TMPRSS11D: variants seen among roughly 807,000 people sequenced by gnomAD.
TMPRSS11D encodes the protein transmembrane protease serine 11D.
TMPRSS11D carries 32 observed loss-of-function variants against 44.4 expected under a neutral mutation model. That is an observed-to-expected ratio of 0.72 (90% CI 0.54 to 0.97). TMPRSS11D has a LOEUF of 0.97. TMPRSS11D is among the 50% of genes least tolerant of loss of function. The pLI is 0.00. For synonymous variants in TMPRSS11D, 179 were observed against 177.9 expected (o/e 1.01, Z -0.05); for missense variants, 446 against 502.6 (o/e 0.89, Z 1.08).
chr4:67,829,475 T>C (rs1717892004), intron 7 of TMPRSS11D, among the ~76,000 whole-genome samples: 1 of 149,880 alleles, frequency 6.7e-6, no homozygotes, highest in Admixed American at 6.7e-5. Context: ...ATTACCTTTA[T>C]GACCTAGGAA....
intron 4 of TMPRSS11D, among the ~76,000 whole-genome samples, chr4:67,841,067 G>C (rs1172052269): frequency 1.3e-5 from 2 of 152,066 alleles, no homozygotes; most frequent in African/African-American, 4.8e-5. Flanking sequence ...TGCTAAAAAA[G>C]AGCCCAGAAA....
chr4:67,851,152 A>G (rs1024413305), intron 3 of TMPRSS11D, among the ~76,000 whole-genome samples: 1 of 152,188 alleles, frequency 6.6e-6, no homozygotes, highest in African/African-American at 2.4e-5. Flanking sequence ...CTACTACTGT[A>G]TGTGTCTGGG....
chr4:67,860,502 C>T (rs1017555625), intron 1 of TMPRSS11D: 4 of 152,006 alleles, frequency 2.6e-5, no homozygotes, highest in Non-Finnish European at 2.9e-5. Flanking sequence ...GGTCATGTTA[C>T]GTGTTATAAA....
chr4:67,822,387 T>TATAC lies in TMPRSS11D; in HGVS notation c.1203_1206dup (p.Thr403ValfsTer9). 1 of 1,613,732 alleles carries TATAC rather than the reference T, an allele frequency of 6.2e-7. No individual in the cohort carries two copies. Among genetic ancestry groups the TATAC allele is most frequent in the East Asian group, 2.2e-5 (1 of 44,854 alleles). On this transcript the variant is annotated frameshift_variant, in exon 10 of 10. Transcript: ENST00000283916. LOFTEE classifies it high-confidence loss of function. ...CAGTCAAGGTAGGCTGTCACTCGAG[T>TATAC]ATACACTCCTGGCTTATCCGGCAGG...
chr4:67,836,496 C>T lies in TMPRSS11D; in HGVS notation c.476-1375G>A, dbSNP rs1038017155. 3.3e-5 allele frequency among the ~76,000 whole-genome samples: 5 copies of T among 152,154 alleles called. 1 individual carries two copies. The highest frequency in any genetic ancestry group is 1.3e-4 in the Admixed American group (2 of 15,258). ...GGTATCACATTTGTTTTGCAAACTT[C>T]AGTGGAGCCAAATCATACTTCTGGA... On this transcript the variant is annotated intron_variant, in intron 5 of 9. Coordinates refer to ENST00000283916, the MANE Select transcript of TMPRSS11D (RefSeq NM_004262.3).
chr4:67,838,635 C>G (rs1473978886), intron 4 of TMPRSS11D, among the ~76,000 whole-genome samples: 1 of 151,970 alleles, frequency 6.6e-6, no homozygotes, highest in East Asian at 1.9e-4. Flanking sequence ...ATCTAAGTTT[C>G]TTCACATGTA....
intron 8 of TMPRSS11D, 146 bp downstream of exon 8, chr4:67,827,115 C>T (rs1717812334): frequency 2.0e-6 from 2 of 1,010,142 alleles, no homozygotes; most frequent in Admixed American, 3.3e-5. Flanking sequence ...TCAGGGGTAG[C>T]CAGAGCTTGG....
At chr4:67,877,158 AT>A (rs1028134834) in intron 1 of TMPRSS11D, among the ~76,000 whole-genome samples, 136 of 151,936 alleles carry the variant, frequency 9.0e-4, no homozygotes, top group African/African-American at 3.0e-3. Context: ...AATTAAAAAA[AT>A]TTTTTTTTAA....
At chr4:67,851,612 C>T (rs779796882) in intron 3 of TMPRSS11D, among the ~76,000 whole-genome samples, 1 of 152,150 alleles carries the variant, frequency 6.6e-6, no homozygotes, top group Non-Finnish European at 1.5e-5. Context: ...TTATTGCTGG[C>T]TCCAGCTTAG....
In TMPRSS11D at chr4:67,839,970, A is replaced by G. The variant is rs1014044740; in HGVS notation, c.318-1641T>C. Among the ~76,000 whole-genome samples, 12 of 127,560 alleles carry G rather than the reference A, an allele frequency of 9.4e-5. 1 individual carries two copies. The highest frequency in any genetic ancestry group is 3.0e-4 in the South Asian group (1 of 3,370). The allele number at this position is 127,560 out of a possible 152,430, so 83.7% of individuals were successfully genotyped here. A position where few individuals can be genotyped will look rare whatever the true frequency, so the allele number is the denominator to read the frequency against. ...AGCATTAGGTGTATCTCCTAATGCT[A>G]TCCCTCCCCCCTCCCCCGACAACAA... is the stretch of plus-strand genomic sequence containing the variant. On this transcript the variant is annotated intron_variant, in intron 4 of 9. Coordinates refer to ENST00000283916, the MANE Select transcript of TMPRSS11D (RefSeq NM_004262.3).
chr4:67,873,359 T>G (rs1719106675), intron 1 of TMPRSS11D, among the ~76,000 whole-genome samples: 1 of 152,142 alleles, frequency 6.6e-6, no homozygotes, highest in African/African-American at 2.4e-5. Flanking sequence ...TATTGCACAC[T>G]CAGGTTAGAG....
chr4:67,828,062 A>G lies in TMPRSS11D; in HGVS notation c.693-542T>C, dbSNP rs894733740. Among the ~76,000 whole-genome samples the G allele has an allele frequency of 7.7e-3, 53 of 6,922 alleles. 1 individual carries two copies. In the Admixed American group the frequency reaches 0.086, roughly 11 times the overall value. 4.5% of individuals were successfully genotyped at this position (6,922 alleles called of 152,430 possible). ...TGTGTGTGTGTGTGTGTGTGTGCAT[A>G]TATATACATATGTATGTATGGGGTC... On this transcript the variant is annotated intron_variant, in intron 7 of 9. Coordinates refer to ENST00000283916, the MANE Select transcript of TMPRSS11D (RefSeq NM_004262.3).
chr4:67,875,803 A>C (rs1719177454), intron 1 of TMPRSS11D, among the ~76,000 whole-genome samples: 1 of 152,218 alleles, frequency 6.6e-6, no homozygotes, highest in Admixed American at 6.5e-5. Flanking sequence ...AATGTCTGGC[A>C]TTTGGCCCTA....
intron 8 of TMPRSS11D, among the ~76,000 whole-genome samples, chr4:67,826,522 T>C (rs1717796025): frequency 6.6e-6 from 1 of 152,120 alleles, no homozygotes; most frequent in Admixed American, 6.6e-5. Flanking sequence ...TTGTCCTCAT[T>C]TTAGTTTCCA....
chr4:67,874,168 G>C (rs1251091008), intron 1 of TMPRSS11D, among the ~76,000 whole-genome samples: 1 of 152,114 alleles, frequency 6.6e-6, no homozygotes, highest in African/African-American at 2.4e-5. Flanking sequence ...ATGCTGCATA[G>C]TCTAGGTGTG....
At chr4:67,833,861 G>T (rs76289059) in intron 6 of TMPRSS11D, among the ~76,000 whole-genome samples, 2 of 152,258 alleles carry the variant, frequency 1.3e-5, no homozygotes, top group African/African-American at 4.8e-5. Flanking sequence ...TGAGGTTCAT[G>T]CACACATTGA....
intron 7 of TMPRSS11D, among the ~76,000 whole-genome samples, chr4:67,828,282 A>C (rs185700968): frequency 5.6e-4 from 86 of 152,226 alleles, no homozygotes; most frequent in African/African-American, 1.8e-3. Context: ...AAGCAAAAAA[A>C]CGTCAAATTT....
rs1407567469 is a variant in TMPRSS11D at position 67,822,212 on chromosome 4, T to A, written c.*125A>T. 1 of 1,106,344 alleles carries A rather than the reference T, an allele frequency of 9.0e-7. No homozygotes were observed. The highest frequency in any genetic ancestry group is 2.2e-5 in the Admixed American group (1 of 45,350). 68.5% of individuals were successfully genotyped at this position (1,106,344 alleles called of 1,614,324 possible). On this transcript the variant is annotated 3_prime_UTR_variant, in exon 10 of 10. Transcript: ENST00000283916. ...AGGTTAAACAGTGTTTGTTAAACCA[T>A]ATTTATGTAACAAGATGTTAAATTA...
At chr4:67,857,314 TATATATATACAC>T (rs1247987415) in intron 2 of TMPRSS11D, among the ~76,000 whole-genome samples, 1 of 1,222 alleles carries the variant, frequency 8.2e-4, no homozygotes, top group African/African-American at 1.4e-3. Flanking sequence ...TATATATATA[TATATATATACAC>T]ACACACACAC....
Sources: gnomAD v4.1 joint callset for allele counts (sites outside exome capture counted in the v4.1 genomes callset) on GRCh38, gnomAD v4.1.1 for gene constraint, MANE v1.5 for transcripts, NCBI Gene and HGNC (gene_info 2026-07-23, HGNC 2026-07-21) for gene names.